The following FOXP1 variants were observed in gnomAD, a reference collection of about 807,000 sequenced individuals.
FOXP1 encodes forkhead box protein P1.
Under a neutral mutation model 98.2 loss-of-function variants are expected in FOXP1, and 15 were observed. The observed-to-expected ratio is 0.15, with a 90% CI of 0.10 to 0.24. The LOEUF (loss-of-function observed/expected upper bound fraction) is 0.24. Among genes scored for constraint, FOXP1 ranks in the 10% least tolerant of loss-of-function variants. The pLI, the probability that FOXP1 is intolerant of heterozygous loss-of-function variation, is 1.00. For synonymous variants in FOXP1, 371 were observed against 314.5 expected (o/e 1.18, Z -1.90); for missense variants, 633 against 848.5 (o/e 0.75, Z 3.15).
intron 17 of FOXP1, among the ~76,000 whole-genome samples, chr3:70,976,226 A>AT (rs1004414851): frequency 2.7e-5 from 4 of 150,320 alleles, no homozygotes; most frequent in East Asian, 3.9e-4. Flanking sequence ...AATTCATTGA[A>AT]TTTTTTTTGT....
chr3:71,062,144 C>T (rs780818689), intron 7 of FOXP1, among the ~76,000 whole-genome samples: 11 of 151,998 alleles, frequency 7.2e-5, no homozygotes, highest in Non-Finnish European at 1.5e-4. Context: ...CATTAAACTA[C>T]AAACAACAAA....
chr3:71,292,806 T>C (rs2072897148), intron 5 of FOXP1, among the ~76,000 whole-genome samples: 1 of 152,182 alleles, frequency 6.6e-6, no homozygotes, highest in Admixed American at 6.5e-5. Flanking sequence ...TTCATGTTTT[T>C]CCTTTTTCTT....
intron 3 of FOXP1, among the ~76,000 whole-genome samples, chr3:71,389,254 C>CGGGGGGGGGG (rs1560413261): frequency 1.6e-4 from 1 of 6,066 alleles, no homozygotes; most frequent in African/African-American, 5.1e-4. Context: ...GGGGGGGGGC[C>CGGGGGGGGGG]GGGGGGGGCG....
At chr3:71,183,741 A>T (rs1387658329) in intron 6 of FOXP1, among the ~76,000 whole-genome samples, 1 of 152,242 alleles carries the variant, frequency 6.6e-6, no homozygotes, top group Non-Finnish European at 1.5e-5. Context: ...AAACTCTGCC[A>T]GTGGTTCTTC....
intron 2 of FOXP1, among the ~76,000 whole-genome samples, chr3:71,534,391 G>C (rs937534015): frequency 6.6e-6 from 1 of 151,842 alleles, no homozygotes; most frequent in Non-Finnish European, 1.5e-5. Flanking sequence ...AAAACCCTAA[G>C]GCTCTCCCTA....
intron 11 of FOXP1, among the ~76,000 whole-genome samples, chr3:71,016,504 C>G (rs1322035139): frequency 2.6e-5 from 4 of 152,090 alleles, no homozygotes; most frequent in Non-Finnish European, 5.9e-5. Flanking sequence ...TTTCCATAAC[C>G]TTAAATTCCA....
At position 71,015,243 on chromosome 3, in the gene FOXP1, C is replaced by T. The variant is rs532439312; in HGVS notation, c.974+306G>A. Among the ~76,000 whole-genome samples, 3 of 151,902 alleles carry T rather than the reference C, an allele frequency of 2.0e-5. 1 individual carries two copies. Among genetic ancestry groups the T allele is most frequent in the East Asian group, 3.9e-4 (2 of 5,156 alleles). On this transcript the variant is annotated intron_variant, in intron 12 of 20. Transcript: ENST00000649528. ...ATGTAAGGACATGAATAAAAGTAAA[C>T]GCTAAAAAACTGCAAGTTTAATACT...
Position 71,171,616 on chromosome 3 carries a change from A to T in FOXP1, c.180+26586T>A, listed in dbSNP as rs116286805. Among the ~76,000 whole-genome samples the T allele has an allele frequency of 5.0e-3, 761 of 152,356 alleles. 10 individuals carry two copies. The highest frequency in any genetic ancestry group is 0.017 in the African/African-American group (717 of 41,574). On this transcript the variant is annotated intron_variant, in intron 6 of 20. Transcript: ENST00000649528. ...AAGAAATAAAAGTGACTTTCAGTAC[A>T]CTGCTTTTGCATTAGCAAGTTGCCT...
chr3:70,984,730 G>A lies in FOXP1; in HGVS notation c.1146+3264C>T, dbSNP rs115057895. On this transcript the variant is annotated intron_variant, in intron 14 of 20. Coordinates refer to ENST00000649528, the MANE Select transcript of FOXP1 (RefSeq NM_001349338.3). ...TTTAAAGAGATGTGATAGCAAGCAG[G>A]AAGAAAGGCCGTCGAAGGAGTCTGA... is the stretch of plus-strand genomic sequence containing the variant. 7.4e-3 allele frequency among the ~76,000 whole-genome samples: 1,119 copies of A among 152,218 alleles called. 19 individuals are homozygous for A. Among genetic ancestry groups the A allele is most frequent in the African/African-American group, 0.026 (1,065 of 41,532 alleles).
At chr3:71,006,766 CA>C (rs1290894944) in intron 12 of FOXP1, among the ~76,000 whole-genome samples, 1 of 152,106 alleles carries the variant, frequency 6.6e-6, no homozygotes, top group Non-Finnish European at 1.5e-5. Context: ...AGATGTACCG[CA>C]TGCACATATG....
chr3:71,542,222 A>T lies in FOXP1; in HGVS notation c.-298+39327T>A, dbSNP rs551174123. On this transcript the variant is annotated intron_variant, in intron 2 of 20. Coordinates refer to ENST00000649528, the MANE Select transcript of FOXP1 (RefSeq NM_001349338.3). ...ACATAAATTTTACAATACCTGCAGG[A>T]ATATTTTCATTGGTTAAACCAACAC... The T allele has an allele frequency of 1.1e-5, 4 of 368,120 alleles. No homozygotes were observed. In the East Asian group the frequency reaches 3.1e-4, roughly 29 times the overall value. The allele number at this position is 368,120 out of a possible 1,614,324, so 22.8% of individuals were successfully genotyped here.
chr3:71,117,114 G>A (rs1344640723), intron 6 of FOXP1, among the ~76,000 whole-genome samples: 1 of 151,752 alleles, frequency 6.6e-6, no homozygotes, highest in Non-Finnish European at 1.5e-5. Flanking sequence ...TTGAGACAAG[G>A]TCTCACTATG....
At chr3:71,293,884 T>G (rs1267668649) in intron 5 of FOXP1, among the ~76,000 whole-genome samples, 5 of 152,184 alleles carry the variant, frequency 3.3e-5, no homozygotes, top group Non-Finnish European at 7.3e-5. Context: ...CCCAGTTCTG[T>G]CCCTTGTAAG....
At chr3:71,286,678 G>A (rs531556130) in intron 5 of FOXP1, among the ~76,000 whole-genome samples, 7 of 152,204 alleles carry the variant, frequency 4.6e-5, no homozygotes, top group South Asian at 2.1e-4. Flanking sequence ...GGAAAATATC[G>A]AGGGAGAATT....
chr3:71,257,898 G>C (rs934016471), intron 5 of FOXP1, among the ~76,000 whole-genome samples: 1 of 152,074 alleles, frequency 6.6e-6, no homozygotes, highest in Admixed American at 6.6e-5. Flanking sequence ...CTGTAAAATG[G>C]GGGTAACAAT....
chr3:70,965,781 A>G lies in FOXP1; in HGVS notation c.1889+109T>C, dbSNP rs1416150970. 3 of 1,156,294 alleles carry G rather than the reference A, an allele frequency of 2.6e-6. No homozygotes were observed. The East Asian group carries it at 7.0e-5, about 27-fold the overall frequency. The allele number at this position is 1,156,294 out of a possible 1,614,324, so 71.6% of individuals were successfully genotyped here. A position where few individuals can be genotyped will look rare whatever the true frequency, so the allele number is the denominator to read the frequency against. On this transcript the variant is annotated intron_variant, in intron 20 of 20. Transcript: ENST00000649528. ...ACTTCTAGCTTGGTTCTGGGAAATC[A>G]GAAATTACAGAAAAGGTATATAAAG...
At chr3:71,525,056 A>G (rs535068280) in intron 2 of FOXP1, among the ~76,000 whole-genome samples, 1 of 152,208 alleles carries the variant, frequency 6.6e-6, no homozygotes, top group East Asian at 1.9e-4. Context: ...AATGAACCTA[A>G]CTCTTCCATA....
intron 7 of FOXP1, among the ~76,000 whole-genome samples, chr3:71,097,109 T>C (rs553394049): frequency 1.3e-5 from 2 of 152,260 alleles, no homozygotes; most frequent in African/African-American, 4.8e-5. Context: ...CCTGGTTCAA[T>C]GAACAAACTG....
At chr3:71,204,636 G>A (rs1362219219) in intron 5 of FOXP1, among the ~76,000 whole-genome samples, 1 of 152,156 alleles carries the variant, frequency 6.6e-6, no homozygotes, top group African/African-American at 2.4e-5. Flanking sequence ...ATGAGGCACT[G>A]ACTGGTGGAG....
Sources: gnomAD v4.1 joint callset for allele counts (sites outside exome capture counted in the v4.1 genomes callset) on GRCh38, gnomAD v4.1.1 for gene constraint, MANE v1.5 for transcripts, NCBI Gene and HGNC (gene_info 2026-07-23, HGNC 2026-07-21) for gene names.